MDGA2: variants seen among roughly 807,000 people sequenced by gnomAD.
MDGA2 encodes MAM domain containing glycosylphosphatidylinositol anchor 2, also known as MAM domain-containing glycosylphosphatidylinositol anchor protein 2.
A neutral mutation model predicts 117.8 loss-of-function variants in MDGA2; 40 were observed. The ratio of observed to expected loss-of-function variants is 0.34; its 90% CI spans 0.26 to 0.44. MDGA2 has a LOEUF of 0.44. Ranked by LOEUF, MDGA2 falls within the 20% of genes least tolerant of loss-of-function variation. MDGA2 has a pLI of 1.00. For missense variants in MDGA2, 1,123 were observed against 1,250.6 expected, an observed-to-expected ratio of 0.90 and a Z score of 1.54; for synonymous variants, 452 against 439.0, an observed-to-expected ratio of 1.03 and a Z score of -0.37.
intron 1 of MDGA2, among the ~76,000 whole-genome samples, chr14:47,429,419 T>C (rs538281129): frequency 9.6e-4 from 146 of 152,206 alleles, no homozygotes; most frequent in African/African-American, 3.2e-3. Context: ...GGTAATGGTT[T>C]TGTATCTTCT....
intron 1 of MDGA2, among the ~76,000 whole-genome samples, chr14:47,309,566 T>C (rs776175687): frequency 2.1e-4 from 32 of 152,102 alleles, no homozygotes; most frequent in Non-Finnish European, 4.0e-4. Flanking sequence ...TGAACCACTC[T>C]AAGAGACTTT....
intron 7 of MDGA2, among the ~76,000 whole-genome samples, chr14:47,057,527 C>T (rs567599235): frequency 6.6e-6 from 1 of 152,004 alleles, no homozygotes; most frequent in East Asian, 1.9e-4. Context: ...GAAAGTAAGA[C>T]AACCTATAAT....
intron 5 of MDGA2, among the ~76,000 whole-genome samples, chr14:47,112,524 G>A (rs558516092): frequency 5.3e-5 from 8 of 152,196 alleles, no homozygotes; most frequent in Admixed American, 2.6e-4. Context: ...TCATTAGTTT[G>A]CTGAATAAAA....
intron 1 of MDGA2, among the ~76,000 whole-genome samples, chr14:47,582,306 AT>A (rs1896243679): frequency 1.3e-5 from 2 of 151,918 alleles, no homozygotes; most frequent in East Asian, 3.9e-4. Context: ...TCTATATTTC[AT>A]TCAAGATTTT....
At chr14:46,965,982 A>C (rs1354061832) in intron 8 of MDGA2, among the ~76,000 whole-genome samples, 1 of 145,728 alleles carries the variant, frequency 6.9e-6, no homozygotes, top group Non-Finnish European at 1.5e-5. Flanking sequence ...AAAATATATG[A>C]CTCTTATATT....
At chr14:47,609,866 A>C (rs1896816681) in intron 1 of MDGA2, among the ~76,000 whole-genome samples, 1 of 152,046 alleles carries the variant, frequency 6.6e-6, no homozygotes, top group South Asian at 2.1e-4. Context: ...AATTCATTCT[A>C]TGAAGCCAGC....
At chr14:47,496,069 T>C (rs1185242405) in intron 1 of MDGA2, among the ~76,000 whole-genome samples, 3 of 152,158 alleles carry the variant, frequency 2.0e-5, no homozygotes, top group African/African-American at 7.2e-5. Flanking sequence ...AATTAAAATA[T>C]ATTTTTTCAT....
intron 10 of MDGA2, among the ~76,000 whole-genome samples, chr14:46,883,319 A>G (rs1404614649): frequency 6.6e-6 from 1 of 152,062 alleles, no homozygotes; most frequent in African/African-American, 2.4e-5. Flanking sequence ...ATGTGTTAAC[A>G]TAGTTAACTG....
intron 7 of MDGA2, among the ~76,000 whole-genome samples, chr14:47,057,437 A>C (rs1379723197): frequency 1.3e-5 from 2 of 152,110 alleles, no homozygotes; most frequent in Non-Finnish European, 2.9e-5. Context: ...GCAATAACAC[A>C]GGAAAGAAAT....
In MDGA2 at chr14:47,675,461, G is replaced by A. The variant is rs536772690; in HGVS notation, c.-665C>T. 3.3e-5 allele frequency among the ~76,000 whole-genome samples: 5 copies of A among 152,012 alleles called. No homozygotes were observed. The highest frequency in any genetic ancestry group is 4.8e-5 in the African/African-American group (2 of 41,410). On this transcript the variant is annotated 5_prime_UTR_variant, in exon 1 of 17. Coordinates refer to ENST00000399232, the MANE Select transcript of MDGA2 (RefSeq NM_001113498.3). ...CGGAGTGTGCGTCTGGAGCTCGCTT[G>A]GGCACACCAGCCCAGCCGCCACCGC...
chr14:47,218,654 A>G lies in MDGA2; in HGVS notation c.421-459T>C, dbSNP rs914941516. On this transcript the variant is annotated intron_variant, in intron 2 of 16. Coordinates refer to ENST00000399232, the MANE Select transcript of MDGA2 (RefSeq NM_001113498.3). ...ATTTGAAATTTTCTATTTGATTTGA[A>G]TAGTTTAGACATAATACCATAATGG... Among the ~76,000 whole-genome samples, 14 of 152,126 alleles carry G rather than the reference A, an allele frequency of 9.2e-5. No homozygotes were observed. In the South Asian group the frequency reaches 2.5e-3, roughly 27 times the overall value.
Position 47,506,699 on chromosome 14 carries a change from G to C in MDGA2, c.280+167818C>G, listed in dbSNP as rs577386720. Reference sequence around the variant, plus strand: ...TGTTGCAAATATAAAATACACACAGGAATTTCCAACACTTAGTATGAAAAA... The same window carrying C: ...TGTTGCAAATATAAAATACACACAGCAATTTCCAACACTTAGTATGAAAAA... On this transcript the variant is annotated intron_variant, in intron 1 of 16. Transcript: ENST00000399232. Among the ~76,000 whole-genome samples the C allele has an allele frequency of 2.7e-3, 407 of 152,274 alleles. 2 individuals carry two copies. Among genetic ancestry groups the C allele is most frequent in the African/African-American group, 9.6e-3 (399 of 41,566 alleles).
chr14:47,286,032 G>GTGTGTGTGTGTGTGTTTGCAT (rs1888658910), intron 2 of MDGA2, among the ~76,000 whole-genome samples: 1 of 150,826 alleles, frequency 6.6e-6, no homozygotes, highest in African/African-American at 2.4e-5. Flanking sequence ...TTGTGTGTCT[G>GTGTGTGTGTGTGTGTTTGCAT]TGTGTGTGTG....
intron 1 of MDGA2, among the ~76,000 whole-genome samples, chr14:47,310,013 C>T (rs987726468): frequency 8.6e-5 from 13 of 152,044 alleles, no homozygotes; most frequent in Non-Finnish European, 1.6e-4. Context: ...AAATTGAATA[C>T]AAAATTGCAA....
At chr14:47,507,084 G>A (rs568994981) in intron 1 of MDGA2, among the ~76,000 whole-genome samples, 177 of 151,806 alleles carry the variant, frequency 1.2e-3, no homozygotes, top group African/African-American at 4.2e-3. Flanking sequence ...CTTGTTGGCA[G>A]TTGAGCATAT....
intron 5 of MDGA2, among the ~76,000 whole-genome samples, chr14:47,099,186 T>C (rs1880156797): frequency 6.6e-6 from 1 of 151,942 alleles, no homozygotes; most frequent in African/African-American, 2.4e-5. Flanking sequence ...GTATATATTT[T>C]AATACCAAAA....
intron 3 of MDGA2, among the ~76,000 whole-genome samples, chr14:47,202,643 A>G (rs904689005): frequency 6.6e-6 from 1 of 152,210 alleles, no homozygotes; most frequent in Non-Finnish European, 1.5e-5. Flanking sequence ...CAGCAATCCT[A>G]TAAGGGAGGA....
chr14:47,607,582 TA>T (rs1425892211), intron 1 of MDGA2, among the ~76,000 whole-genome samples: 3 of 152,062 alleles, frequency 2.0e-5, no homozygotes, highest in Admixed American at 6.6e-5. Context: ...TTTTGGTTCA[TA>T]ACATACAAGT....
chr14:47,235,484 A>G (rs1886827754), intron 2 of MDGA2, among the ~76,000 whole-genome samples: 1 of 152,202 alleles, frequency 6.6e-6, no homozygotes, highest in Non-Finnish European at 1.5e-5. Context: ...GTTCCTCACA[A>G]TCTTTGCTAA....
Sources: allele counts gnomAD v4.1 joint callset (sites outside exome capture counted in the v4.1 genomes callset), GRCh38; gene constraint gnomAD v4.1.1; transcripts MANE v1.5; gene names NCBI Gene and HGNC (gene_info 2026-07-23, HGNC 2026-07-21).